The following TRIM24 variants were observed in gnomAD, a reference collection of about 807,000 sequenced individuals.
TRIM24 encodes transcription intermediary factor 1-alpha.
TRIM24 carries 29 observed loss-of-function variants against 123.9 expected under a neutral mutation model. The ratio of observed to expected loss-of-function variants is 0.23; its 90% confidence interval spans 0.17 to 0.32. The LOEUF (loss-of-function observed/expected upper bound fraction) is 0.32, where lower values mean the gene tolerates loss of function less well. Among genes scored for constraint, TRIM24 ranks in the 10% least tolerant of loss-of-function variants. TRIM24 has a pLI of 1.00. For missense variants in TRIM24, 932 were observed against 1,295.3 expected (o/e 0.72, Z 4.31); for synonymous variants, 456 against 461.1 (o/e 0.99, Z 0.14).
intron 5 of TRIM24, among the ~76,000 whole-genome samples, chr7:138,528,783 ACC>A (rs202047925): frequency 0.021 from 1,726 of 80,488 alleles, 33 homozygotes; most frequent in African/African-American, 0.068. Context: ...GTCCACCCCC[ACC>A]CCCCCCCCCA....
chr7:138,480,988 GTTATTA>G (rs762956333), intron 1 of TRIM24, among the ~76,000 whole-genome samples: 33 of 151,554 alleles, frequency 2.2e-4, no homozygotes, highest in East Asian at 1.7e-3. Context: ...TTTTTAAAAA[GTTATTA>G]TTATTATTAT....
At chr7:138,478,196 G>C (rs572704741) in intron 1 of TRIM24, among the ~76,000 whole-genome samples, 2 of 152,106 alleles carry the variant, frequency 1.3e-5, no homozygotes, top group South Asian at 4.2e-4. Flanking sequence ...TTTTTTGATG[G>C]GGTCTTACCT....
intron 2 of TRIM24, among the ~76,000 whole-genome samples, chr7:138,508,290 T>C (rs1796192673): frequency 6.6e-6 from 1 of 152,128 alleles, no homozygotes; most frequent in Non-Finnish European, 1.5e-5. Flanking sequence ...TAGTGGCTTG[T>C]TTAGGTTCTG....
chr7:138,478,317 G>C (rs890363363), intron 1 of TRIM24, among the ~76,000 whole-genome samples: 2 of 152,078 alleles, frequency 1.3e-5, no homozygotes, highest in African/African-American at 4.8e-5. Context: ...AGGAAACTGA[G>C]AAGTATATTG....
chr7:138,478,091 TA>T (rs2116471040), intron 1 of TRIM24, among the ~76,000 whole-genome samples: 1 of 152,272 alleles, frequency 6.6e-6, no homozygotes, highest in Admixed American at 6.5e-5. Flanking sequence ...GTTTATAATA[TA>T]TAAACATGTT....
intron 8 of TRIM24, among the ~76,000 whole-genome samples, chr7:138,553,988 T>C (rs1009446718): frequency 3.9e-5 from 6 of 152,220 alleles, no homozygotes; most frequent in South Asian, 2.1e-4. Flanking sequence ...AAGTAGTTTA[T>C]ATAGCACTTA....
At chr7:138,541,393 T>G (rs531555302) in intron 7 of TRIM24, among the ~76,000 whole-genome samples, 15 of 152,280 alleles carry the variant, frequency 9.9e-5, no homozygotes, top group South Asian at 2.1e-4. Context: ...TCTCATATAT[T>G]TCCATGAGAG....
At chr7:138,576,896 C>T (rs1373925967) in intron 13 of TRIM24, among the ~76,000 whole-genome samples, 1 of 152,190 alleles carries the variant, frequency 6.6e-6, no homozygotes, top group Admixed American at 6.5e-5. Context: ...AAAATTCCTC[C>T]TAGCTAGTGA....
At chr7:138,544,516 G>A (rs1275474731) in intron 7 of TRIM24, among the ~76,000 whole-genome samples, 1 of 152,096 alleles carries the variant, frequency 6.6e-6, no homozygotes, top group Non-Finnish European at 1.5e-5. Flanking sequence ...TTCATTTCCT[G>A]TTGTAATATA....
At chr7:138,560,346 T>C (rs1016170694) in intron 9 of TRIM24, among the ~76,000 whole-genome samples, 1 of 152,238 alleles carries the variant, frequency 6.6e-6, no homozygotes, top group Admixed American at 6.5e-5. Context: ...GGTGATAATG[T>C]CTCTTAACAA....
At chr7:138,491,159 A>T (rs752132493) in intron 1 of TRIM24, 30 of 293,686 alleles carry the variant, frequency 1.0e-4, no homozygotes, top group Non-Finnish European at 1.7e-4. Flanking sequence ...CTGCAAGTCA[A>T]CAAAGACTCA....
intron 17 of TRIM24, among the ~76,000 whole-genome samples, chr7:138,583,040 A>G (rs530730210): frequency 6.6e-6 from 1 of 152,342 alleles, no homozygotes; most frequent in East Asian, 1.9e-4. Flanking sequence ...AATAAATATC[A>G]TCTCATTTAG....
intron 5 of TRIM24, among the ~76,000 whole-genome samples, chr7:138,525,964 G>A (rs112487334): frequency 0.018 from 2,778 of 152,232 alleles, 70 homozygotes; most frequent in African/African-American, 0.061. Flanking sequence ...TCCATGGAGC[G>A]GGGGCAGCTG....
chr7:138,497,494 G>A (rs1795937564), intron 1 of TRIM24, among the ~76,000 whole-genome samples: 1 of 145,006 alleles, frequency 6.9e-6, no homozygotes, highest in South Asian at 2.1e-4. Context: ...TCCACCTCCT[G>A]GGTTCAATCT....
At chr7:138,526,178 A>G (rs1028679924) in intron 5 of TRIM24, among the ~76,000 whole-genome samples, 5 of 152,310 alleles carry the variant, frequency 3.3e-5, no homozygotes, top group African/African-American at 9.6e-5. Flanking sequence ...CTATGTATAA[A>G]TTGTGTCAGA....
intron 12 of TRIM24, among the ~76,000 whole-genome samples, chr7:138,575,512 T>C (rs953246933): frequency 1.3e-5 from 2 of 151,572 alleles, no homozygotes; most frequent in African/African-American, 4.9e-5. Context: ...CCAGGCCTTT[T>C]ATTTTTAAAT....
At chr7:138,505,980 A>G (rs997822340) in intron 2 of TRIM24, among the ~76,000 whole-genome samples, 12 of 152,332 alleles carry the variant, frequency 7.9e-5, no homozygotes, top group Non-Finnish European at 5.9e-5. Flanking sequence ...CTTGGAACAG[A>G]AGATCTGGGA....
At chr7:138,508,692 T>TGTGTGTGCGCGCGCGCGC (rs1422176564) in intron 2 of TRIM24, among the ~76,000 whole-genome samples, 59 of 137,268 alleles carry the variant, frequency 4.3e-4, no homozygotes, top group South Asian at 2.2e-3. Context: ...TGTGTGTGTG[T>TGTGTGTGCGCGCGCGCGC]GCGCGCGCGT....
chr7:138,575,459 ATTTT>A (rs34375724), intron 12 of TRIM24, among the ~76,000 whole-genome samples: 1 of 127,240 alleles, frequency 7.9e-6, no homozygotes, highest in African/African-American at 3.0e-5. Context: ...GGCCTGGCTA[ATTTT>A]TTTTTTTTTT....
Sources: gnomAD v4.1 joint callset for allele counts (sites outside exome capture counted in the v4.1 genomes callset) on GRCh38, gnomAD v4.1.1 for gene constraint, MANE v1.5 for transcripts, NCBI Gene and HGNC (gene_info 2026-07-23, HGNC 2026-07-21) for gene names.